P2RX4: variants seen among roughly 807,000 people sequenced by gnomAD.
P2RX4 encodes purinergic receptor P2X 4, also known as P2X purinoceptor 4.
A neutral mutation model predicts 48.0 loss-of-function variants in P2RX4; 37 were observed. The observed-to-expected ratio is 0.77, with a 90% CI of 0.59 to 1.01. The LOEUF (loss-of-function observed/expected upper bound fraction) is 1.01, where lower values mean the gene tolerates loss of function less well. Among genes scored for constraint, P2RX4 ranks in the 50% least tolerant of loss-of-function variants. The pLI is 0.00. For synonymous variants in P2RX4, 200 were observed against 199.7 expected (o/e 1.00, Z -0.01); for missense variants, 501 against 521.4 (o/e 0.96, Z 0.38).
intron 4 of P2RX4, chr12:121,222,468 A>G (rs985116743): frequency 2.1e-6 from 1 of 473,806 alleles, no homozygotes; most frequent in Non-Finnish European, 3.9e-6. Context: ...ACTGGAGTGC[A>G]ATGGCATGAT....
intron 1 of P2RX4, 29 bp from the exon 2 acceptor site, chr12:121,217,105 C>T: frequency 6.2e-7 from 1 of 1,611,408 alleles, no homozygotes; most frequent in Non-Finnish European, 8.5e-7. Flanking sequence ...ATCCTAATGG[C>T]AATTTAAGAG....
At chr12:121,230,993 T>TCTTC (rs58309134) in intron 8 of P2RX4, among the ~76,000 whole-genome samples, 16 of 147,934 alleles carry the variant, frequency 1.1e-4, no homozygotes, top group South Asian at 6.3e-4. Flanking sequence ...TTTTTTTTTT[T>TCTTC]TTCTTCTTTT....
chr12:121,210,154 G>A lies in P2RX4; in HGVS notation c.-11G>A, dbSNP rs761529416. 7.4e-5 allele frequency: 112 copies of A among 1,521,376 alleles called. No individual in the cohort carries two copies. Among genetic ancestry groups the A allele is most frequent in the Non-Finnish European group, 9.3e-5 (106 of 1,141,010 alleles). The allele number at this position is 1,521,376 out of a possible 1,614,324, so 94.2% of individuals were successfully genotyped here. On this transcript the variant is annotated 5_prime_UTR_variant, in exon 1 of 12. Coordinates refer to ENST00000337233, the MANE Select transcript of P2RX4 (RefSeq NM_002560.3). Reference sequence around the variant, plus strand: ...AGACCGACTAGGGGACTGGGAGCGGGCGGCGCGGCCATGGCGGGCTGCTGC... The same window carrying A: ...AGACCGACTAGGGGACTGGGAGCGGACGGCGCGGCCATGGCGGGCTGCTGC...
chr12:121,227,830 T>C (rs1887066003), intron 5 of P2RX4, among the ~76,000 whole-genome samples: 1 of 151,604 alleles, frequency 6.6e-6, no homozygotes, highest in South Asian at 2.1e-4. Flanking sequence ...GGCCCACTCC[T>C]GTAGTCCAGC....
At chr12:121,210,820 C>G (rs565825774) in intron 1 of P2RX4, among the ~76,000 whole-genome samples, 2 of 152,300 alleles carry the variant, frequency 1.3e-5, no homozygotes, top group African/African-American at 4.8e-5. Flanking sequence ...GGCTGTTACC[C>G]TCTCCTGCCT....
rs1330594818 is a variant in P2RX4 at position 121,232,004 on chromosome 12, C to A, written c.885-410C>A. 0.01 allele frequency among the ~76,000 whole-genome samples: 952 copies of A among 94,018 alleles called. No individual in the cohort carries two copies. The highest frequency in any genetic ancestry group is 0.011 in the African/African-American group (264 of 23,198). The allele number at this position is 94,018 out of a possible 152,430, so 61.7% of individuals were successfully genotyped here. ...CTGGCAACAGAGGGAGACTCCATCT[C>A]AAAAAAAAAAAAAAAAAAAGTCCCT... On this transcript the variant is annotated intron_variant, in intron 8 of 11. Transcript: ENST00000337233. This position sits in a 1 kb window ranked among gnomAD's most constrained non-coding sequence, Gnocchi z 4.3.
intron 2 of P2RX4, among the ~76,000 whole-genome samples, chr12:121,217,773 AAAAAGAAAAAAAAAG>A (rs1208187020): frequency 2.6e-5 from 4 of 151,278 alleles, no homozygotes; most frequent in African/African-American, 4.8e-5. Flanking sequence ...AAAAAAAAAA[AAAAAGAAAAAAAAAG>A]AAAAGAATTA....
chr12:121,212,231 C>T (rs2136210885), intron 1 of P2RX4, among the ~76,000 whole-genome samples: 1 of 152,240 alleles, frequency 6.6e-6, no homozygotes, highest in East Asian at 1.9e-4. Flanking sequence ...TAGATACAGA[C>T]AGTATTCAAG....
Position 121,229,468 on chromosome 12 carries a change from G to A in P2RX4, c.884+369G>A, listed in dbSNP as rs1245939232. Among the ~76,000 whole-genome samples, 1 of 152,194 alleles carries A rather than the reference G, an allele frequency of 6.6e-6. No individual in the cohort carries two copies. The highest frequency in any genetic ancestry group is 2.4e-5 in the African/African-American group (1 of 41,450). On this transcript the variant is annotated intron_variant, in intron 8 of 11. Coordinates refer to ENST00000337233, the MANE Select transcript of P2RX4 (RefSeq NM_002560.3). This position sits in a 1 kb window ranked among gnomAD's most constrained non-coding sequence, Gnocchi z 4.6. ...GATCCTCCAGTCCAAAGGCCTCTGG[G>A]GCCTGGCCCAGGAATTGGTTTCTCA...
intron 1 of P2RX4, chr12:121,212,816 A>ATTT (rs1266371217): frequency 1.2e-3 from 39 of 32,738 alleles, no homozygotes; most frequent in Non-Finnish European, 1.7e-3. Flanking sequence ...ATATATATAT[A>ATTT]TATATATATT....
In P2RX4 at chr12:121,232,907, C is replaced by T; in HGVS notation, c.1045-90C>T. On this transcript the variant is annotated intron_variant, in intron 10 of 11. Transcript: ENST00000337233. The surrounding 1 kb of genome is among the most constrained non-coding windows in gnomAD (Gnocchi z 4.3). Reference sequence around the variant, plus strand: ...GTGCCTTTCCATTCCGGTAAAGATTCCAGGCTTCTCAGGAAGGGGCACGCA... The same window carrying T: ...GTGCCTTTCCATTCCGGTAAAGATTTCAGGCTTCTCAGGAAGGGGCACGCA... 3 of 984,524 alleles carry T rather than the reference C, an allele frequency of 3.0e-6. No individual in the cohort carries two copies. The highest frequency in any genetic ancestry group is 1.3e-5 in the South Asian group (1 of 78,524). The allele number at this position is 984,524 out of a possible 1,614,324, so 61.0% of individuals were successfully genotyped here.
At chr12:121,222,194 G>A (rs772912513) in intron 4 of P2RX4, 28 bp downstream of exon 4, 1 of 1,513,946 alleles carries the variant, frequency 6.6e-7, no homozygotes, top group Admixed American at 1.7e-5. Context: ...CCTGGGGAGG[G>A]CGGCCCCTGA....
At chr12:121,228,435 C>CAAT in intron 5 of P2RX4, 98 bp from the exon 6 acceptor site, 1 of 565,070 alleles carries the variant, frequency 1.8e-6, no homozygotes, top group Non-Finnish European at 3.0e-6. Flanking sequence ...CACACACACA[C>CAAT]AATACATATA....
chr12:121,210,275 G>T lies in P2RX4; in HGVS notation c.111G>T (p.Leu37=), dbSNP rs144026212. 14 of 1,553,976 alleles carry T rather than the reference G, an allele frequency of 9.0e-6. No individual in the cohort carries two copies. In the Admixed American group the frequency reaches 9.7e-5, roughly 11 times the overall value. Reference sequence around the variant, plus strand: ...GGCTCATGAACCGCGCCGTGCAACTGCTCATCCTGGCCTACGTCATCGGGT... The same window carrying T: ...GGCTCATGAACCGCGCCGTGCAACTTCTCATCCTGGCCTACGTCATCGGGT... ...KVGLMNRAVQ[L]LILAYVIGWV... is the part of the protein sequence containing the mutation. The change falls in exon 1 of 12, where the codon CTG becomes CTT. Residue 37 remains leucine (L), a synonymous_variant. Coordinates refer to ENST00000337233, the MANE Select transcript of P2RX4 (RefSeq NM_002560.3).
intron 1 of P2RX4, chr12:121,213,162 CA>C (rs1204920863): frequency 6.6e-6 from 1 of 152,040 alleles, no homozygotes; most frequent in Admixed American, 6.6e-5. Flanking sequence ...CACAGTGGCT[CA>C]TGCCTGAAAT....
At chr12:121,230,982 A>ATATATT (rs1471846304) in intron 8 of P2RX4, among the ~76,000 whole-genome samples, 8 of 113,252 alleles carry the variant, frequency 7.1e-5, no homozygotes, top group Admixed American at 3.5e-4. Flanking sequence ...ATATATATAT[A>ATATATT]TTTTTTTTTT....
rs1375326251 is a variant in P2RX4 at position 121,210,397 on chromosome 12, AGCGGCGAGCCGAG to A, written c.134+104_134+116del. Reference sequence around the variant, plus strand: ...CCTCGGTCACCTGGGCGAGTCCGGGAGCGGCGAGCCGAGGCGGTGACACCTTCCCTGGGCCCCA... The same window carrying A: ...CCTCGGTCACCTGGGCGAGTCCGGGAGCGGTGACACCTTCCCTGGGCCCCA... On this transcript the variant is annotated intron_variant, in intron 1 of 11. Transcript: ENST00000337233. 5.8e-6 allele frequency: 7 copies of A among 1,215,016 alleles called. No individual in the cohort carries two copies. The Admixed American group carries it at 3.0e-4, about 52-fold the overall frequency. The allele number at this position is 1,215,016 out of a possible 1,614,324, so 75.3% of individuals were successfully genotyped here. A position where few individuals can be genotyped will look rare whatever the true frequency, so the allele number is the denominator to read the frequency against.
chr12:121,225,643 C>A (rs546850630), intron 5 of P2RX4, among the ~76,000 whole-genome samples: 1 of 152,152 alleles, frequency 6.6e-6, no homozygotes, highest in South Asian at 2.1e-4. Flanking sequence ...GATCTCCTGA[C>A]CTCGTGATCC....
intron 1 of P2RX4, among the ~76,000 whole-genome samples, chr12:121,212,217 G>A (rs1006521933): frequency 1.3e-5 from 2 of 152,172 alleles, no homozygotes; most frequent in African/African-American, 4.8e-5. Flanking sequence ...GTCAGCAGCA[G>A]CAGTAGATAC....
Sources: gnomAD v4.1 joint callset for allele counts (sites outside exome capture counted in the v4.1 genomes callset) on GRCh38, gnomAD v4.1.1 for gene constraint, Gnocchi (gnomAD v3.1) non-coding constraint, MANE v1.5 for transcripts, NCBI Gene and HGNC (gene_info 2026-07-23, HGNC 2026-07-21) for gene names.